The following GUCY1A2 variants were observed in gnomAD, a reference collection of about 807,000 sequenced individuals.
GUCY1A2 encodes the protein guanylate cyclase soluble subunit alpha-2.
GUCY1A2 carries 27 observed loss-of-function variants against 63.5 expected under a neutral mutation model. The observed-to-expected ratio is 0.43, with a 90% CI of 0.31 to 0.59. The LOEUF (loss-of-function observed/expected upper bound fraction) is 0.59, where lower values mean the gene tolerates loss of function less well. Ranked by LOEUF, GUCY1A2 falls within the 20% of genes least tolerant of loss-of-function variation. The probability of loss-of-function intolerance (pLI) is 0.11; values close to 1 mark genes in which losing one functional copy is unlikely to be tolerated. For missense variants in GUCY1A2, 768 were observed against 913.3 expected, an observed-to-expected ratio of 0.84 and a Z score of 2.05; for synonymous variants, 364 against 343.5, an observed-to-expected ratio of 1.06 and a Z score of -0.66.
chr11:107,013,813 CCAAGA>C (rs1340806345), intron 1 of GUCY1A2, among the ~76,000 whole-genome samples: 3 of 152,168 alleles, frequency 2.0e-5, no homozygotes, highest in African/African-American at 7.2e-5. Context: ...CTAGATTTCG[CCAAGA>C]CAATTGGAGT....
At chr11:106,974,972 T>C (rs4753783) in intron 3 of GUCY1A2, among the ~76,000 whole-genome samples, 7,351 of 152,182 alleles carry the variant, frequency 0.048, 695 homozygotes, top group East Asian at 0.3. Flanking sequence ...CTCTCATTTC[T>C]ATTTGTTCTC....
At chr11:106,947,107 C>T (rs931508365) in intron 3 of GUCY1A2, among the ~76,000 whole-genome samples, 5 of 151,702 alleles carry the variant, frequency 3.3e-5, no homozygotes, top group Non-Finnish European at 7.4e-5. Context: ...ATCCCAGCTA[C>T]TCATGAGGCT....
At chr11:106,913,813 A>C (rs891761807) in intron 4 of GUCY1A2, among the ~76,000 whole-genome samples, 21 of 152,018 alleles carry the variant, frequency 1.4e-4, no homozygotes, top group African/African-American at 4.1e-4. Flanking sequence ...TTAAATGCCA[A>C]AGAGATTTCC....
intron 6 of GUCY1A2, among the ~76,000 whole-genome samples, chr11:106,733,384 A>G (rs1217141971): frequency 2.0e-5 from 3 of 152,150 alleles, no homozygotes; most frequent in Non-Finnish European, 2.9e-5. Context: ...ACTGCCAATA[A>G]TATGTTGGTA....
chr11:106,675,285 TTA>T lies in GUCY1A2; in HGVS notation c.*12262_*12263del. 1 of 195,490 alleles carries T rather than the reference TTA, an allele frequency of 5.1e-6. No individual in the cohort carries two copies. Among genetic ancestry groups the T allele is most frequent in the Non-Finnish European group, 1.1e-5 (1 of 94,172 alleles). The allele number at this position is 195,490 out of a possible 1,614,324, so 12.1% of individuals were successfully genotyped here. ...TCAGGAGGACTTTTTTTTTTTTTTT[TTA>T]AATAAAGAAAAACCTTTCCATCCAA... On this transcript the variant is annotated 3_prime_UTR_variant, in exon 8 of 8. Transcript: ENST00000526355.
intron 7 of GUCY1A2, among the ~76,000 whole-genome samples, chr11:106,695,549 T>G (rs1311964886): frequency 6.6e-6 from 1 of 152,202 alleles, no homozygotes; most frequent in African/African-American, 2.4e-5. Flanking sequence ...TTCCTGAATT[T>G]TTCCTATTTA....
chr11:106,940,721 G>A (rs1860741430), intron 3 of GUCY1A2, among the ~76,000 whole-genome samples: 2 of 152,178 alleles, frequency 1.3e-5, no homozygotes, highest in South Asian at 4.2e-4. Context: ...TAAAAATCCT[G>A]TTTATCCCTT....
chr11:106,827,253 T>A, intron 4 of GUCY1A2: 1 of 1,551,722 alleles, frequency 6.4e-7, no homozygotes, highest in African/African-American at 1.4e-5. Context: ...TTCCTTCAGT[T>A]GTATATCTGG....
chr11:106,791,168 T>C (rs186220385), intron 5 of GUCY1A2, among the ~76,000 whole-genome samples: 152 of 152,318 alleles, frequency 1.0e-3, no homozygotes, highest in African/African-American at 3.5e-3. Context: ...GCATGGGTGA[T>C]TCCCCTCTGC....
rs535641314 is a variant in GUCY1A2, at chr11:106,814,231, T to G, written c.1207-3753A>C. ...GACTATTCTTTAGAATTCAGTTCAG[T>G]AACAAAAAATGGGCACTTCTAGATT... On this transcript the variant is annotated intron_variant, in intron 4 of 7. Transcript: ENST00000526355. 1.2e-4 allele frequency among the ~76,000 whole-genome samples: 18 copies of G among 152,190 alleles called. No homozygotes were observed. In the South Asian group the frequency reaches 3.5e-3, roughly 30 times the overall value.
At chr11:106,707,496 G>A (rs1862937128) in intron 7 of GUCY1A2, among the ~76,000 whole-genome samples, 1 of 151,932 alleles carries the variant, frequency 6.6e-6, no homozygotes, top group Admixed American at 6.6e-5. Context: ...TAATTAAGCA[G>A]CTGTACAGTA....
chr11:106,843,587 G>A (rs1859230468), intron 4 of GUCY1A2, among the ~76,000 whole-genome samples: 7 of 151,900 alleles, frequency 4.6e-5, no homozygotes, highest in Admixed American at 3.3e-4. Flanking sequence ...ATTTAAAAGT[G>A]GAGGAAAGAA....
intron 4 of GUCY1A2, among the ~76,000 whole-genome samples, chr11:106,897,548 T>G (rs944803741): frequency 1.3e-5 from 2 of 151,110 alleles, no homozygotes; most frequent in African/African-American, 2.4e-5. Flanking sequence ...GAACTACAAA[T>G]ATATATATAT....
chr11:107,008,823 C>A lies in GUCY1A2; in HGVS notation c.303+8930G>T, dbSNP rs539902409. On this transcript the variant is annotated intron_variant, in intron 1 of 7. Coordinates refer to ENST00000526355, the MANE Select transcript of GUCY1A2 (RefSeq NM_000855.3). The stretch of plus-strand genomic sequence containing the variant: ...GTGTACATAAAAACAGTCAGAAAAA[C>A]CATCCTCTCCCAGTATTAAGTTGGA... 2.2e-4 allele frequency among the ~76,000 whole-genome samples: 34 copies of A among 152,230 alleles called. 1 individual carries two copies. The highest frequency in any genetic ancestry group is 8.2e-4 in the African/African-American group (34 of 41,528).
intron 6 of GUCY1A2, among the ~76,000 whole-genome samples, chr11:106,735,703 C>A (rs569154017): frequency 6.6e-6 from 1 of 152,106 alleles, no homozygotes; most frequent in African/African-American, 2.4e-5. Context: ...TTTGGGGAAC[C>A]TCCATACTCT....
At chr11:106,787,491 A>G (rs1864577904) in intron 5 of GUCY1A2, among the ~76,000 whole-genome samples, 1 of 89,390 alleles carries the variant, frequency 1.1e-5, no homozygotes, top group Non-Finnish European at 2.3e-5. Context: ...GCCAGCCCTT[A>G]GCATAAAAGC....
At chr11:106,769,646 A>AGT (rs1213256714) in intron 6 of GUCY1A2, among the ~76,000 whole-genome samples, 1 of 152,184 alleles carries the variant, frequency 6.6e-6, no homozygotes, top group African/African-American at 2.4e-5. Flanking sequence ...AAGTTTCACC[A>AGT]GTAACATTAT....
chr11:106,807,121 C>T (rs776308078), intron 5 of GUCY1A2, among the ~76,000 whole-genome samples: 1 of 152,100 alleles, frequency 6.6e-6, no homozygotes, highest in African/African-American at 2.4e-5. Context: ...TTATTTTTCT[C>T]TGTGGTATGG....
At chr11:106,953,817 T>A (rs1006581831) in intron 3 of GUCY1A2, among the ~76,000 whole-genome samples, 1 of 152,180 alleles carries the variant, frequency 6.6e-6, no homozygotes, top group African/African-American at 2.4e-5. Context: ...CGTAAAGGTG[T>A]TTATAGTATT....
Sources: gnomAD v4.1 joint callset for allele counts (sites outside exome capture counted in the v4.1 genomes callset) on GRCh38, gnomAD v4.1.1 for gene constraint, MANE v1.5 for transcripts, NCBI Gene and HGNC (gene_info 2026-07-23, HGNC 2026-07-21) for gene names.